The following HABP2 variants were observed in gnomAD, a reference collection of about 807,000 sequenced individuals.
HABP2 encodes the protein factor VII-activating protease.
HABP2 carries 65 observed loss-of-function variants against 66.5 expected under a neutral mutation model. That is an observed-to-expected ratio of 0.98 (90% CI 0.80 to 1.20). The LOEUF (loss-of-function observed/expected upper bound fraction) is 1.20. Ranked by LOEUF, HABP2 falls within the 50% of genes most tolerant of loss-of-function variation. The pLI is 0.00. For missense variants in HABP2, 786 were observed against 691.0 expected (o/e 1.14, Z -1.54); for synonymous variants, 263 against 253.9 (o/e 1.04, Z -0.34).
At chr10:113,586,040 C>A (rs1845627173) in intron 12 of HABP2, 102 bp downstream of exon 12, 4 of 1,022,560 alleles carry the variant, frequency 3.9e-6, no homozygotes, top group African/African-American at 3.2e-5. Flanking sequence ...GTTCAGAGGT[C>A]CACCTGTGGT....
intron 1 of HABP2, among the ~76,000 whole-genome samples, chr10:113,562,769 A>G (rs2133749317): frequency 6.6e-6 from 1 of 152,342 alleles, no homozygotes; most frequent in African/African-American, 2.4e-5. Context: ...TTTATAAAGC[A>G]TTCCAAGAAC....
intron 7 of HABP2, among the ~76,000 whole-genome samples, chr10:113,580,181 G>A (rs1845497214): frequency 6.6e-6 from 1 of 151,486 alleles, no homozygotes; most frequent in South Asian, 2.1e-4. Flanking sequence ...GGGAGGGGGG[G>A]CCTCTTGGCA....
At chr10:113,578,236 A>G (rs1217713429) in intron 6 of HABP2, 91 bp downstream of exon 6, 2 of 1,415,030 alleles carry the variant, frequency 1.4e-6, no homozygotes, top group African/African-American at 2.8e-5. Flanking sequence ...GTTCAAATCA[A>G]GTTTCCCAAA....
intron 1 of HABP2, among the ~76,000 whole-genome samples, chr10:113,566,101 G>A (rs1161445220): frequency 6.6e-6 from 1 of 152,194 alleles, no homozygotes; most frequent in Non-Finnish European, 1.5e-5. Context: ...GGTAGAAGCA[G>A]CAAATATACC....
chr10:113,580,732 G>C, intron 8 of HABP2, 40 bp downstream of exon 8: 1 of 1,062,026 alleles, frequency 9.4e-7, no homozygotes, highest in East Asian at 2.4e-5. Flanking sequence ...GGGGTGGGGG[G>C]GATGGAGATT....
In HABP2 at chr10:113,584,189, G is replaced by A. The variant is rs753798351; in HGVS notation, c.1279G>A (p.Glu427Lys). The A allele has an allele frequency of 1.2e-6, 2 of 1,613,698 alleles. No homozygotes were observed. Among genetic ancestry groups the A allele is most frequent in the African/African-American group, 1.3e-5 (1 of 75,038 alleles). Residue 427 changes from glutamate (E) to lysine (K), a missense_variant, in exon 11 of 13, where the codon GAA becomes AAA. Coordinates refer to ENST00000351270, the MANE Select transcript of HABP2 (RefSeq NM_004132.5). Reference protein sequence around the residue: ...LKPVDGHCALESKYVKTVCLP... With the variant: ...LKPVDGHCALKSKYVKTVCLP... ...GCCAGTGGATGGTCACTGTGCTCTAGAATCCAAATACGTGAAGACTGTGTG... is the reference window on the plus strand; with the variant it reads ...GCCAGTGGATGGTCACTGTGCTCTAAAATCCAAATACGTGAAGACTGTGTG...
At chr10:113,553,528 C>T (rs571121319) in intron 1 of HABP2, among the ~76,000 whole-genome samples, 26 of 152,340 alleles carry the variant, frequency 1.7e-4, no homozygotes, top group Non-Finnish European at 3.7e-4. Flanking sequence ...AAGCTATAAA[C>T]TCTCTCCCCA....
At position 113,575,897 on chromosome 10, in the gene HABP2, A is replaced by G; in HGVS notation, c.224A>G (p.Asp75Gly). The change falls in exon 4 of 13, where the codon GAT (aspartate) becomes GGT (glycine). Residue 75 changes from aspartate (D) to glycine (G), a missense_variant and splice_region_variant. Coordinates refer to ENST00000351270, the MANE Select transcript of HABP2 (RefSeq NM_004132.5). The part of the protein sequence containing the change: ...PDWYYTEDQA[D>G]PCQPNPCEHG... ...ATTGCCTTCTTCCTGTGTGTCTTAG[A>G]TCCATGCCAGCCCAACCCCTGTGAA... The G allele has an allele frequency of 6.3e-7, 1 of 1,584,834 alleles. No individual in the cohort carries two copies. Among genetic ancestry groups the G allele is most frequent in the Non-Finnish European group, 8.7e-7 (1 of 1,153,948 alleles).
At chr10:113,570,500 A>C (rs964327449) in intron 2 of HABP2, among the ~76,000 whole-genome samples, 19 of 152,216 alleles carry the variant, frequency 1.2e-4, no homozygotes, top group African/African-American at 4.3e-4. Flanking sequence ...TCTATAGCCT[A>C]GAGAAAGTCA....
rs1274614537 is a variant in HABP2, at chr10:113,580,624, G to A, written c.770G>A (p.Cys257Tyr). 6.3e-7 allele frequency: 1 copy of A among 1,599,566 alleles called. No homozygotes were observed. The highest frequency in any genetic ancestry group is 8.6e-7 in the Non-Finnish European group (1 of 1,166,848). ...CCAGATGCGGACGAAAAGCCCTGGT[G>A]CTTTATTAAAGTTACCAATGACAAG... Reference protein sequence around the residue: ...RNPDADEKPWCFIKVTNDKVK... With the variant: ...RNPDADEKPWYFIKVTNDKVK... Residue 257 changes from cysteine (C) to tyrosine (Y), a missense_variant, in exon 8 of 13, where the codon TGC becomes TAC. Transcript: ENST00000351270.
At position 113,586,042 on chromosome 10, in the gene HABP2, A is replaced by T. The variant is rs11575782; in HGVS notation, c.1518+104A>T. On this transcript the variant is annotated intron_variant, in intron 12 of 12. Transcript: ENST00000351270. The stretch of plus-strand genomic sequence containing the variant: ...GGCTGGGAGCTAGGTTCAGAGGTCC[A>T]CCTGTGGTAAAGCTAAGACACAGGT... 3.1e-3 allele frequency: 3,130 copies of T among 1,006,174 alleles called. 71 individuals carry two copies. In the African/African-American group the frequency reaches 0.044, roughly 14 times the overall value. The allele number at this position is 1,006,174 out of a possible 1,614,324, so 62.3% of individuals were successfully genotyped here. A position where few individuals can be genotyped will look rare whatever the true frequency, so the allele number is the denominator to read the frequency against.
At chr10:113,574,532 T>C in intron 3 of HABP2, 127 bp downstream of exon 3, 1 of 598,682 alleles carries the variant, frequency 1.7e-6, no homozygotes, top group East Asian at 2.8e-5. Context: ...ATGGAAGAAA[T>C]TATTTGGACT....
chr10:113,559,045 G>A (rs1011774294), intron 1 of HABP2, among the ~76,000 whole-genome samples: 2 of 152,156 alleles, frequency 1.3e-5, no homozygotes, highest in African/African-American at 4.8e-5. Flanking sequence ...AGCAGAGACA[G>A]GGTTTCACCA....
At chr10:113,584,012 C>A in intron 10 of HABP2, 136 bp from the exon 11 acceptor site, 3 of 663,692 alleles carry the variant, frequency 4.5e-6, no homozygotes, top group Non-Finnish European at 8.0e-6. Flanking sequence ...TATGAAATGA[C>A]CACGGAAGAA....
rs769102314 is a variant in HABP2, at chr10:113,581,877, C to T, written c.840C>T (p.Asp280=). 17 of 1,613,920 alleles carry T rather than the reference C, an allele frequency of 1.1e-5. No homozygotes were observed. Among genetic ancestry groups the T allele is most frequent in the Admixed American group, 3.3e-5 (2 of 59,972 alleles). ...YCDVSACSAQ[D]VAYPEESPTE... ...ATTTATCTTTCTTGTGTCCCACAGA[C>T]GTTGCCTACCCAGAGGAAAGCCCCA... The change falls in exon 9 of 13, where the codon GAC becomes GAT. Residue 280 remains aspartate, a splice_region_variant and synonymous_variant. Coordinates refer to ENST00000351270, the MANE Select transcript of HABP2 (RefSeq NM_004132.5).
chr10:113,580,723 G>C (rs1388004955), intron 8 of HABP2, 31 bp downstream of exon 8: 2 of 1,152,582 alleles, frequency 1.7e-6, no homozygotes, highest in Non-Finnish European at 1.3e-6. Context: ...GAAGCCCAGG[G>C]GGTGGGGGGG....
In HABP2 at chr10:113,583,017, T is replaced by A. The variant is rs74315736; in HGVS notation, c.1095-199T>A. ...TCCCATGAGAAGTGGGTAAAAGTTATAGCTTATATTTGGAGCTTGCTTCTG... is the reference window on the plus strand; with the variant it reads ...TCCCATGAGAAGTGGGTAAAAGTTAAAGCTTATATTTGGAGCTTGCTTCTG... On this transcript the variant is annotated intron_variant, in intron 9 of 12. Coordinates refer to ENST00000351270, the MANE Select transcript of HABP2 (RefSeq NM_004132.5). Among the ~76,000 whole-genome samples, 188 of 152,376 alleles carry A rather than the reference T, an allele frequency of 1.2e-3. No homozygotes were observed. The East Asian group carries it at 0.017, about 13-fold the overall frequency.
At chr10:113,567,971 C>T (rs1036446939) in intron 2 of HABP2, among the ~76,000 whole-genome samples, 3 of 152,196 alleles carry the variant, frequency 2.0e-5, no homozygotes, top group African/African-American at 7.2e-5. Context: ...CTGGTGATAC[C>T]CTCACACCAG....
At position 113,588,949 on chromosome 10, in the gene HABP2, C is replaced by T. The variant is rs1254894412; in HGVS notation, c.*580C>T. ...CTGGTGAACAAACTTCCTCTCTGGC[C>T]TCTCAGGAATCAGGGTGGACATGGC... On this transcript the variant is annotated 3_prime_UTR_variant, in exon 13 of 13. Transcript: ENST00000351270. The T allele has an allele frequency of 5.1e-6, 8 of 1,568,196 alleles. No individual in the cohort carries two copies. Among genetic ancestry groups the T allele is most frequent in the Admixed American group, 3.5e-5 (2 of 57,396 alleles).
Sources: gnomAD v4.1 joint callset for allele counts (sites outside exome capture counted in the v4.1 genomes callset) on GRCh38, gnomAD v4.1.1 for gene constraint, MANE v1.5 for transcripts, NCBI Gene and HGNC (gene_info 2026-07-23, HGNC 2026-07-21) for gene names.